ADAM23: variants seen among roughly 807,000 people sequenced by gnomAD.
ADAM23 encodes ADAM metallopeptidase domain 23.
A neutral mutation model predicts 120.1 loss-of-function variants in ADAM23; 33 were observed. The observed-to-expected ratio is 0.27, with a 90% CI of 0.21 to 0.37. The LOEUF (loss-of-function observed/expected upper bound fraction) is 0.37, where lower values mean the gene tolerates loss of function less well. Ranked by LOEUF, ADAM23 falls within the 10% of genes least tolerant of loss-of-function variation. The probability of loss-of-function intolerance (pLI) is 1.00; values close to 1 mark genes in which losing one functional copy is unlikely to be tolerated. For missense variants in ADAM23, 862 were observed against 1,058.2 expected (o/e 0.81, Z 2.57); for synonymous variants, 367 against 375.2 (o/e 0.98, Z 0.25).
intron 15 of ADAM23, among the ~76,000 whole-genome samples, chr2:206,569,780 T>C (rs2300963): frequency 0.081 from 12,325 of 152,244 alleles, 678 homozygotes; most frequent in East Asian, 0.19. Flanking sequence ...AAACCTTTGC[T>C]TTTCGTAATA....
Position 206,570,879 on chromosome 2 carries a change from T to TGA in ADAM23, c.1566+72_1566+73dup, listed in dbSNP as rs1171482214. The stretch of plus-strand genomic sequence containing the variant: ...TTGGTGCAAACAGGTATAGCATTTG[T>TGA]GAGAGGCCAGCACATTGATTGTGGT... On this transcript the variant is annotated intron_variant, in intron 16 of 25. Transcript: ENST00000264377. 3 of 1,365,596 alleles carry TGA rather than the reference T, an allele frequency of 2.2e-6. No individual in the cohort carries two copies. The African/African-American group carries it at 4.3e-5, about 20-fold the overall frequency. 84.6% of individuals were successfully genotyped at this position (1,365,596 alleles called of 1,614,324 possible). A position where few individuals can be genotyped will look rare whatever the true frequency, so the allele number is the denominator to read the frequency against.
At chr2:206,511,133 G>A (rs1017173805) in intron 3 of ADAM23, among the ~76,000 whole-genome samples, 3 of 151,774 alleles carry the variant, frequency 2.0e-5, no homozygotes, top group Non-Finnish European at 4.4e-5. Flanking sequence ...TCTAATTTGG[G>A]TTGCACCCTT....
intron 18 of ADAM23, among the ~76,000 whole-genome samples, chr2:206,583,868 T>C (rs999942352): frequency 2.0e-5 from 3 of 152,176 alleles, no homozygotes; most frequent in Non-Finnish European, 4.4e-5. Flanking sequence ...AAATCAGGAA[T>C]TTCTTCTTGG....
intron 2 of ADAM23, among the ~76,000 whole-genome samples, chr2:206,469,055 T>C (rs557792801): frequency 2.0e-5 from 3 of 152,286 alleles, no homozygotes; most frequent in African/African-American, 7.2e-5. Flanking sequence ...AACCGTCCTC[T>C]TGATCAAATC....
rs1281253017 is a variant in ADAM23 at position 206,612,401 on chromosome 2, G to T, written c.2450+2401G>T. On this transcript the variant is annotated intron_variant, in intron 25 of 25. Transcript: ENST00000264377. ...TGAGTTCAATGTAAATGTTTAAAAAGAAATTCCTTTAGAATCAGAAGTTGA... is the reference window on the plus strand; with the variant it reads ...TGAGTTCAATGTAAATGTTTAAAAATAAATTCCTTTAGAATCAGAAGTTGA... 2.6e-5 allele frequency among the ~76,000 whole-genome samples: 4 copies of T among 152,258 alleles called. No homozygotes were observed. The East Asian group carries it at 7.7e-4, about 29-fold the overall frequency.
intron 3 of ADAM23, among the ~76,000 whole-genome samples, chr2:206,525,377 C>G (rs1559247920): frequency 6.6e-6 from 1 of 152,114 alleles, no homozygotes; most frequent in East Asian, 1.9e-4. Context: ...AGTTCAACCA[C>G]TTTTTACAAT....
intron 3 of ADAM23, among the ~76,000 whole-genome samples, chr2:206,493,278 A>G (rs1200938435): frequency 6.6e-6 from 1 of 152,216 alleles, no homozygotes; most frequent in Non-Finnish European, 1.5e-5. Context: ...TCTCTTTAAC[A>G]AGTTTGTTCT....
chr2:206,536,091 A>G (rs574291675), intron 4 of ADAM23, among the ~76,000 whole-genome samples: 1 of 152,222 alleles, frequency 6.6e-6, no homozygotes, highest in Admixed American at 6.5e-5. Context: ...ATGCTCATGA[A>G]TAAGCCATTC....
chr2:206,503,293 T>C (rs1696429200), intron 3 of ADAM23, among the ~76,000 whole-genome samples: 1 of 152,064 alleles, frequency 6.6e-6, no homozygotes, highest in Non-Finnish European at 1.5e-5. Flanking sequence ...TCTCTGTATG[T>C]TGGGTTTGAA....
intron 1 of ADAM23, 131 bp downstream of exon 1, chr2:206,444,211 TC>T: frequency 1.5e-6 from 1 of 656,576 alleles, no homozygotes; most frequent in Non-Finnish European, 2.1e-6. Flanking sequence ...TGCCTGTCTT[TC>T]CACCCTTCTC....
intron 17 of ADAM23, among the ~76,000 whole-genome samples, chr2:206,572,112 T>A (rs1218331934): frequency 6.6e-6 from 1 of 152,202 alleles, no homozygotes; most frequent in African/African-American, 2.4e-5. Context: ...AATTGTTGAA[T>A]AGAGGGGAGA....
At chr2:206,517,936 C>T (rs780009669) in intron 3 of ADAM23, among the ~76,000 whole-genome samples, 1 of 152,162 alleles carries the variant, frequency 6.6e-6, no homozygotes, top group Non-Finnish European at 1.5e-5. Flanking sequence ...AATAGTTTCT[C>T]TCTTTTTCTG....
intron 2 of ADAM23, among the ~76,000 whole-genome samples, chr2:206,479,891 A>G (rs1559226371): frequency 1.3e-5 from 2 of 152,294 alleles, no homozygotes; most frequent in Non-Finnish European, 1.5e-5. Context: ...TTGAGTGACT[A>G]TCTGATTTGG....
intron 18 of ADAM23, among the ~76,000 whole-genome samples, chr2:206,581,749 G>A (rs1293962756): frequency 6.6e-6 from 1 of 152,176 alleles, no homozygotes; most frequent in East Asian, 1.9e-4. Context: ...TTGTTCCAAG[G>A]TATGGTGTAA....
chr2:206,582,606 G>GT (rs1275775449), intron 18 of ADAM23, among the ~76,000 whole-genome samples: 1 of 152,006 alleles, frequency 6.6e-6, no homozygotes, highest in Admixed American at 6.5e-5. Context: ...CTTTGGTTTT[G>GT]TTTTTTTGTT....
Position 206,575,992 on chromosome 2 carries a change from A to C in ADAM23, c.1737+2797A>C, listed in dbSNP as rs565013021. ...AAGTAACATTTTTGTAAAGGTGTTG[A>C]TATATATTATTTGAAATTCAATTCA... On this transcript the variant is annotated intron_variant, in intron 18 of 25. Coordinates refer to ENST00000264377, the MANE Select transcript of ADAM23 (RefSeq NM_003812.4). Among the ~76,000 whole-genome samples, 5 of 152,304 alleles carry C rather than the reference A, an allele frequency of 3.3e-5. No homozygotes were observed. The East Asian group carries it at 9.6e-4, about 29-fold the overall frequency.
intron 11 of ADAM23, 76 bp from the exon 12 acceptor site, chr2:206,561,052 G>A (rs1434800176): frequency 1.6e-6 from 2 of 1,268,484 alleles, no homozygotes; most frequent in African/African-American, 1.5e-5. Flanking sequence ...CCATGTAGGA[G>A]GGTAGACATA....
At position 206,470,503 on chromosome 2, in the gene ADAM23, G is replaced by A. The variant is rs141078291; in HGVS notation, c.433-10729G>A. Among the ~76,000 whole-genome samples the A allele has an allele frequency of 5.6e-3, 847 of 152,224 alleles. 3 individuals carry two copies. Among genetic ancestry groups the A allele is most frequent in the Admixed American group, 8.2e-3 (126 of 15,294 alleles). On this transcript the variant is annotated intron_variant, in intron 2 of 25. Transcript: ENST00000264377. ...GGAAGTTCGATATTAGAGAACATGA[G>A]GTCACGTATCAATATTAGCTTTTCT...
At chr2:206,591,447 G>A (rs1698424183) in intron 21 of ADAM23, among the ~76,000 whole-genome samples, 1 of 152,120 alleles carries the variant, frequency 6.6e-6, no homozygotes, top group Non-Finnish European at 1.5e-5. Context: ...AGAGTTTTCT[G>A]TGGTGTGTAT....
Sources: allele counts gnomAD v4.1 joint callset (sites outside exome capture counted in the v4.1 genomes callset), GRCh38; gene constraint gnomAD v4.1.1; transcripts MANE v1.5; gene names NCBI Gene and HGNC (gene_info 2026-07-23, HGNC 2026-07-21).